The following GALNT10 variants were observed in gnomAD, a reference collection of about 807,000 sequenced individuals.
GALNT10 encodes the protein polypeptide N-acetylgalactosaminyltransferase 10.
Under a neutral mutation model 75.0 loss-of-function variants are expected in GALNT10, and 41 were observed. That is an observed-to-expected ratio of 0.55 (90% confidence interval 0.43 to 0.71). The LOEUF (loss-of-function observed/expected upper bound fraction) is 0.71. Ranked by LOEUF, GALNT10 falls within the 30% of genes least tolerant of loss-of-function variation. The pLI, the probability that GALNT10 is intolerant of heterozygous loss-of-function variation, is 0.00. For missense variants in GALNT10, 727 were observed against 818.5 expected, an observed-to-expected ratio of 0.89 and a Z score of 1.36; for synonymous variants, 302 against 313.0, an observed-to-expected ratio of 0.96 and a Z score of 0.37.
Position 154,416,747 on chromosome 5 carries a change from T to C in GALNT10, c.1654-67T>C. Reference sequence around the variant, plus strand: ...TTCCTCACTTTCTCATTGCTGGTATTGTTGCTGTGGTTTGACTGGCCACAT... The same window carrying C: ...TTCCTCACTTTCTCATTGCTGGTATCGTTGCTGTGGTTTGACTGGCCACAT... On this transcript the variant is annotated intron_variant, in intron 11 of 11. Coordinates refer to ENST00000297107, the MANE Select transcript of GALNT10 (RefSeq NM_198321.4). The surrounding 1 kb of genome is among the most constrained non-coding windows in gnomAD (Gnocchi z 4.5). 2 of 1,102,526 alleles carry C rather than the reference T, an allele frequency of 1.8e-6. No homozygotes were observed. Among genetic ancestry groups the C allele is most frequent in the South Asian group, 2.6e-5 (2 of 77,320 alleles). 68.3% of individuals were successfully genotyped at this position (1,102,526 alleles called of 1,614,324 possible).
chr5:154,393,068 A>C (rs1237177557), intron 7 of GALNT10: 1 of 97,066 alleles, frequency 1.0e-5, no homozygotes, highest in South Asian at 3.5e-4. Flanking sequence ...AAAAAAAAAA[A>C]AAAAAAAAAA....
intron 4 of GALNT10, among the ~76,000 whole-genome samples, chr5:154,330,893 C>G (rs1754847468): frequency 7.9e-6 from 1 of 127,016 alleles, no homozygotes; most frequent in African/African-American, 3.4e-5. Context: ...ACAGAGGCCT[C>G]AGAGAGACAG....
chr5:154,223,706 G>A (rs1202664943), intron 1 of GALNT10, among the ~76,000 whole-genome samples: 6 of 151,976 alleles, frequency 3.9e-5, no homozygotes, highest in African/African-American at 1.4e-4. Context: ...GATCACCTGA[G>A]GTTAGGAATT....
chr5:154,252,261 A>G (rs1450464007), intron 1 of GALNT10, among the ~76,000 whole-genome samples: 1 of 152,142 alleles, frequency 6.6e-6, no homozygotes, highest in East Asian at 1.9e-4. Flanking sequence ...AGGTGAGTAT[A>G]TAGGTGAGTA....
intron 7 of GALNT10, among the ~76,000 whole-genome samples, chr5:154,395,873 G>A (rs1756006207): frequency 6.6e-6 from 1 of 152,188 alleles, no homozygotes; most frequent in East Asian, 1.9e-4. Context: ...CAAATTACCA[G>A]GCTCCACCCC....
chr5:154,223,073 T>C (rs1479724710), intron 1 of GALNT10, among the ~76,000 whole-genome samples: 1 of 152,176 alleles, frequency 6.6e-6, no homozygotes, highest in African/African-American at 2.4e-5. Context: ...TTGGATATTA[T>C]TTTGCATAAT....
Position 154,378,488 on chromosome 5 carries a change from C to T in GALNT10, c.755-1960C>T, listed in dbSNP as rs1192452490. On this transcript the variant is annotated intron_variant, in intron 5 of 11. Coordinates refer to ENST00000297107, the MANE Select transcript of GALNT10 (RefSeq NM_198321.4). ...AGAGGCACAGAGTGAGGGAGATGCT[C>T]AGCCTTCCACTCCCACTTCTGAGCT... 2.6e-5 allele frequency among the ~76,000 whole-genome samples: 4 copies of T among 152,194 alleles called. No individual in the cohort carries two copies. The East Asian group carries it at 7.7e-4, about 29-fold the overall frequency.
chr5:154,294,975 C>CTT lies in GALNT10; in HGVS notation c.262+58_262+59dup, dbSNP rs1441532199. 4 of 778,736 alleles carry CTT rather than the reference C, an allele frequency of 5.1e-6. No individual in the cohort carries two copies. In the Admixed American group the frequency reaches 5.8e-5, roughly 11 times the overall value. The allele number at this position is 778,736 out of a possible 1,614,324, so 48.2% of individuals were successfully genotyped here. A position where few individuals can be genotyped will look rare whatever the true frequency, so the allele number is the denominator to read the frequency against. On this transcript the variant is annotated intron_variant, in intron 2 of 11. Transcript: ENST00000297107. ...TCTGTGAAGGGCATATGCACATATGCTTGTGTGTGTGTGTGTGTGTGTGTG... is the reference window on the plus strand; with the variant it reads ...TCTGTGAAGGGCATATGCACATATGCTTTTGTGTGTGTGTGTGTGTGTGTGTG...
chr5:154,287,228 A>C (rs946903143), intron 1 of GALNT10, among the ~76,000 whole-genome samples: 1 of 152,206 alleles, frequency 6.6e-6, no homozygotes, highest in African/African-American at 2.4e-5. Flanking sequence ...CCACCTGCCA[A>C]GCAGCTCAAA....
chr5:154,296,873 C>G (rs7722579), intron 2 of GALNT10, among the ~76,000 whole-genome samples: 14,411 of 152,156 alleles, frequency 0.095, 736 homozygotes, highest in African/African-American at 0.13. Context: ...TGAAGCATTA[C>G]AAGCTGCAGA....
intron 1 of GALNT10, among the ~76,000 whole-genome samples, chr5:154,227,130 A>G (rs1462212738): frequency 6.6e-6 from 1 of 152,250 alleles, no homozygotes; most frequent in Admixed American, 6.5e-5. Flanking sequence ...GTTTTGTGCT[A>G]TTACAAAGTT....
intron 3 of GALNT10, among the ~76,000 whole-genome samples, chr5:154,299,918 T>G (rs1288415490): frequency 6.7e-6 from 1 of 149,412 alleles, no homozygotes; most frequent in East Asian, 2.1e-4. Context: ...CACTGCAACC[T>G]CTGCCTCCTG....
chr5:154,364,470 A>G (rs938753404), intron 4 of GALNT10, among the ~76,000 whole-genome samples: 1 of 152,226 alleles, frequency 6.6e-6, no homozygotes, highest in South Asian at 2.1e-4. Context: ...CCTGAATGGG[A>G]GGTTTCAAAA....
At chr5:154,244,407 A>C (rs555364154) in intron 1 of GALNT10, among the ~76,000 whole-genome samples, 3 of 151,596 alleles carry the variant, frequency 2.0e-5, no homozygotes, top group Non-Finnish European at 2.9e-5. Context: ...TCTCTAAAAA[A>C]TTTTTTTTTA....
chr5:154,365,309 C>T (rs181233456), intron 4 of GALNT10, among the ~76,000 whole-genome samples: 7 of 152,302 alleles, frequency 4.6e-5, no homozygotes, highest in Non-Finnish European at 1.5e-5. Flanking sequence ...TACCTAAGAA[C>T]AGGGGGGCCT....
intron 1 of GALNT10, among the ~76,000 whole-genome samples, chr5:154,258,021 C>T (rs191574122): frequency 1.7e-3 from 265 of 152,106 alleles, no homozygotes; most frequent in Non-Finnish European, 2.8e-3. Context: ...AGAATAAATA[C>T]GGCATTTCTT....
Position 154,298,051 on chromosome 5 carries a change from C to T in GALNT10, c.373C>T (p.Arg125Cys), listed in dbSNP as rs1561653928. The T allele has an allele frequency of 5.0e-6, 8 of 1,612,968 alleles. No individual in the cohort carries two copies. The highest frequency in any genetic ancestry group is 6.8e-6 in the Non-Finnish European group (8 of 1,179,234). The change falls in exon 3 of 12, where the codon CGC becomes TGC. Residue 125 changes from arginine (R) to cysteine (C), a missense_variant. Physicochemically the swap from Arg to Cys is radical, Grantham distance 180. Coordinates refer to ENST00000297107, the MANE Select transcript of GALNT10 (RefSeq NM_198321.4). This position sits in a 1 kb window ranked among gnomAD's most constrained non-coding sequence, Gnocchi z 4.1. ...CGTCAGTGATAAAATCTCCTTGAATCGCTCTCTCCCAGATATCCGGCACCC... is the reference window on the plus strand; with the variant it reads ...CGTCAGTGATAAAATCTCCTTGAATTGCTCTCTCCCAGATATCCGGCACCC... ...IYVSDKISLN[R>C]SLPDIRHPNC...
intron 5 of GALNT10, among the ~76,000 whole-genome samples, chr5:154,378,075 T>G (rs1379057878): frequency 6.6e-6 from 1 of 152,162 alleles, no homozygotes; most frequent in African/African-American, 2.4e-5. Flanking sequence ...CCTTGTTGGT[T>G]TTTGTTGTTG....
intron 3 of GALNT10, among the ~76,000 whole-genome samples, chr5:154,326,744 A>T (rs952718522): frequency 2.0e-5 from 3 of 152,184 alleles, no homozygotes; most frequent in African/African-American, 7.2e-5. Flanking sequence ...AGCTGGCAGG[A>T]GGGGAAGATG....
Sources: allele counts gnomAD v4.1 joint callset (sites outside exome capture counted in the v4.1 genomes callset), GRCh38; gene constraint gnomAD v4.1.1; non-coding constraint Gnocchi (gnomAD v3.1); transcripts MANE v1.5; gene names NCBI Gene and HGNC (gene_info 2026-07-23, HGNC 2026-07-21).